The following GDF10 variants were observed in gnomAD, a reference collection of about 807,000 sequenced individuals.
GDF10 encodes growth differentiation factor 10.
A neutral mutation model predicts 32.1 loss-of-function variants in GDF10; 23 were observed. That is an observed-to-expected ratio of 0.72 (90% CI 0.52 to 1.02). The LOEUF (loss-of-function observed/expected upper bound fraction) is 1.02, where lower values mean the gene tolerates loss of function less well. GDF10 is among the 50% of genes least tolerant of loss of function. The pLI is 0.00. For missense variants in GDF10, 764 were observed against 673.9 expected, an observed-to-expected ratio of 1.13 and a Z score of -1.48; for synonymous variants, 328 against 303.1, an observed-to-expected ratio of 1.08 and a Z score of -0.85.
At chr10:47,311,735 C>A (rs909578890) in intron 2 of GDF10, among the ~76,000 whole-genome samples, 2 of 152,214 alleles carry the variant, frequency 1.3e-5, no homozygotes, top group Admixed American at 6.5e-5. Context: ...GTTGGCCATG[C>A]GGTTAGCTTA....
chr10:47,301,862 C>T (rs2061006053), intron 1 of GDF10, among the ~76,000 whole-genome samples: 1 of 152,214 alleles, frequency 6.6e-6, no homozygotes, highest in Non-Finnish European at 1.5e-5. Context: ...GAAAAATCTG[C>T]AGTCTACAGG....
At chr10:47,305,646 A>T (rs1301757630) in intron 1 of GDF10, among the ~76,000 whole-genome samples, 1 of 152,118 alleles carries the variant, frequency 6.6e-6, no homozygotes, top group Non-Finnish European at 1.5e-5. Flanking sequence ...ATCTTTTTAT[A>T]TAGGGCAGAG....
chr10:47,310,667 G>A lies in GDF10; in HGVS notation c.1191G>A (p.Pro397=). The change falls in exon 2 of 3, where the codon CCG becomes CCA. Residue 397 remains proline, a synonymous_variant. Transcript: ENST00000580279. ...GCTGGAATGAATGGATAATCTCACC[G>A]AAATCTTTTGATGCCTACTACTGCG... is the stretch of plus-strand genomic sequence containing the variant. The part of the protein sequence containing the change: ...DIGWNEWIIS[P]KSFDAYYCAG... The A allele has an allele frequency of 1.9e-6, 3 of 1,614,082 alleles. No homozygotes were observed. The highest frequency in any genetic ancestry group is 1.7e-6 in the Non-Finnish European group (2 of 1,179,912).
chr10:47,303,010 G>A (rs1177367636), intron 1 of GDF10, among the ~76,000 whole-genome samples: 1 of 152,202 alleles, frequency 6.6e-6, no homozygotes, highest in African/African-American at 2.4e-5. Context: ...GGCTAAGCAG[G>A]TTTTGTGCTT....
chr10:47,303,881 C>T, intron 1 of GDF10, among the ~76,000 whole-genome samples: 1 of 152,362 alleles, frequency 6.6e-6, no homozygotes. Flanking sequence ...ATTCCCTAAG[C>T]ACTTCGTTTG....
In GDF10 at chr10:47,300,520, C is replaced by T. The variant is rs1370332794; in HGVS notation, c.-132C>T. The T allele has an allele frequency of 6.4e-6, 5 of 780,638 alleles. No homozygotes were observed. The highest frequency in any genetic ancestry group is 6.5e-5 in the East Asian group (2 of 30,962). 48.4% of individuals were successfully genotyped at this position (780,638 alleles called of 1,614,324 possible). On this transcript the variant is annotated 5_prime_UTR_variant, in exon 1 of 3. Coordinates refer to ENST00000580279, the MANE Select transcript of GDF10 (RefSeq NM_004962.5). The stretch of plus-strand genomic sequence containing the variant: ...TAAGCCCCTCGCCCCGCGCGGACCT[C>T]GGTATCCAGCGCCCTGCTGCCCGGG...
At position 47,300,682 on chromosome 10, in the gene GDF10, G is replaced by C; in HGVS notation, c.31G>C (p.Gly11Arg). 1.2e-6 allele frequency: 2 copies of C among 1,603,784 alleles called. No homozygotes were observed. Among genetic ancestry groups the C allele is most frequent in the Non-Finnish European group, 1.7e-6 (2 of 1,176,898 alleles). Residue 11 changes from glycine to arginine, a missense_variant, in exon 1 of 3, where the codon GGA becomes CGA. Gly to Arg is a moderately radical substitution (Grantham distance 125). Transcript: ENST00000580279. MAHVPARTSP[G>R]PGPQLLLLLL... ...TCATGTCCCCGCTCGGACCAGCCCG[G>C]GACCCGGGCCCCAGCTGCTGCTGCT...
In GDF10 at chr10:47,310,372, A is replaced by G. The variant is rs1555207596; in HGVS notation, c.896A>G (p.Gln299Arg). 6.8e-6 allele frequency: 11 copies of G among 1,607,462 alleles called. No homozygotes were observed. The highest frequency in any genetic ancestry group is 1.7e-4 in the Middle Eastern group (1 of 6,016). ...RRAAQATGPL[Q>R]DNELPGLDER... ...GCCGCGCAGGCCACTGGGCCCCTCC[A>G]GGACAACGAGCTGCCGGGGCTGGAT... Residue 299 changes from glutamine to arginine, a missense_variant, in exon 2 of 3, where the codon CAG becomes CGG. By Grantham distance (43) the Gln-to-Arg change is conservative (BLOSUM62 1). Transcript: ENST00000580279.
Position 47,300,817 on chromosome 10 carries a change from C to G in GDF10, c.166C>G (p.Leu56Val). The G allele has an allele frequency of 1.9e-6, 3 of 1,571,812 alleles. No individual in the cohort carries two copies. Among genetic ancestry groups the G allele is most frequent in the Non-Finnish European group, 2.6e-6 (3 of 1,165,548 alleles). Residue 56 changes from leucine (L) to valine (V), a missense_variant, in exon 1 of 3, where the codon CTC (leucine) becomes GTC (valine). Coordinates refer to ENST00000580279, the MANE Select transcript of GDF10 (RefSeq NM_004962.5). Reference sequence around the variant, plus strand: ...CGACGGCCTGCAGGGGGACAGGGATCTCCAGCGGCACCCTGGGGACGCGGC... The same window carrying G: ...CGACGGCCTGCAGGGGGACAGGGATGTCCAGCGGCACCCTGGGGACGCGGC... ...AADGLQGDRD[L>V]QRHPGDAAAT...
chr10:47,309,624 C>T (rs1555207376), intron 1 of GDF10, among the ~76,000 whole-genome samples, 172 bp from the exon 2 acceptor site: 1 of 152,290 alleles, frequency 6.6e-6, no homozygotes, highest in East Asian at 1.9e-4. Flanking sequence ...TTGCAAAGGG[C>T]GCCCTCATCA....
intron 1 of GDF10, among the ~76,000 whole-genome samples, chr10:47,304,684 G>A (rs1414065001): frequency 2.6e-5 from 4 of 152,142 alleles, no homozygotes; most frequent in Admixed American, 2.6e-4. Context: ...GGATATATTT[G>A]AGAGATATAT....
intron 1 of GDF10, among the ~76,000 whole-genome samples, chr10:47,307,137 C>T (rs1267060393): frequency 6.6e-6 from 1 of 152,006 alleles, no homozygotes; most frequent in East Asian, 1.9e-4. Context: ...ACTTTGTTAT[C>T]TGTCTCCCCT....
intron 1 of GDF10, among the ~76,000 whole-genome samples, chr10:47,306,290 C>A (rs2061022798): frequency 6.6e-6 from 1 of 152,238 alleles, no homozygotes; most frequent in Non-Finnish European, 1.5e-5. Context: ...TGGCTAAACA[C>A]CTGGGTGCCC....
rs118169760 is a variant in GDF10 at position 47,306,164 on chromosome 10, C to T, written c.320-3632C>T. Among the ~76,000 whole-genome samples the T allele has an allele frequency of 2.4e-4, 36 of 152,320 alleles. No individual in the cohort carries two copies. In the East Asian group the frequency reaches 3.7e-3, roughly 16 times the overall value. ...TTCATGGTGAAAATGATGAATCAAG[C>T]ATGCAGAACACTCAGCATAGGACCA... On this transcript the variant is annotated intron_variant, in intron 1 of 2. Transcript: ENST00000580279.
In GDF10 at chr10:47,300,493, G is replaced by A. The variant is rs577473463; in HGVS notation, c.-159G>A. 15 of 622,598 alleles carry A rather than the reference G, an allele frequency of 2.4e-5. No homozygotes were observed. The highest frequency in any genetic ancestry group is 3.6e-5 in the Non-Finnish European group (14 of 386,228). The allele number at this position is 622,598 out of a possible 1,614,324, so 38.6% of individuals were successfully genotyped here. On this transcript the variant is annotated 5_prime_UTR_variant, in exon 1 of 3. Coordinates refer to ENST00000580279, the MANE Select transcript of GDF10 (RefSeq NM_004962.5). ...GACCGCGCGCCCGGGTGCCTGCTCC[G>A]CTAAGCCCCTCGCCCCGCGCGGACC...
rs552436070 is a variant in GDF10, at chr10:47,300,684, A to C, written c.33A>C (p.Gly11=). ...ATGTCCCCGCTCGGACCAGCCCGGG[A>C]CCCGGGCCCCAGCTGCTGCTGCTGC... MAHVPARTSP[G]PGPQLLLLLL... is the part of the protein sequence containing the mutation. Residue 11 remains glycine (G), a synonymous_variant, in exon 1 of 3, where the codon GGA becomes GGC. Transcript: ENST00000580279. 86 of 1,602,988 alleles carry C rather than the reference A, an allele frequency of 5.4e-5. No individual in the cohort carries two copies. Among genetic ancestry groups the C allele is most frequent in the South Asian group, 4.1e-4 (37 of 90,328 alleles).
At chr10:47,312,162 A>C (rs2061048813) in intron 2 of GDF10, among the ~76,000 whole-genome samples, 1 of 152,196 alleles carries the variant, frequency 6.6e-6, no homozygotes, top group South Asian at 2.1e-4. Flanking sequence ...CCTTCCCTTC[A>C]GTGACAAGAG....
chr10:47,301,375 C>T (rs775052002), intron 1 of GDF10, among the ~76,000 whole-genome samples: 2 of 152,228 alleles, frequency 1.3e-5, no homozygotes, highest in African/African-American at 4.8e-5. Context: ...AGGCACTGGG[C>T]CCTGTCAGGA....
In GDF10 at chr10:47,313,546, ATAAAT is replaced by A. The variant is rs1410193868; in HGVS notation, c.*759_*763del. On this transcript the variant is annotated 3_prime_UTR_variant, in exon 3 of 3. Coordinates refer to ENST00000580279, the MANE Select transcript of GDF10 (RefSeq NM_004962.5). ...TGTTATGTGTTTTTATGGAAAGCTAATAAATTAAAGGTACAGTGGTATCTTGAAAA... is the reference window on the plus strand; with the variant it reads ...TGTTATGTGTTTTTATGGAAAGCTAATAAAGGTACAGTGGTATCTTGAAAA... 1 of 152,676 alleles carries A rather than the reference ATAAAT, an allele frequency of 6.5e-6. No homozygotes were observed. The highest frequency in any genetic ancestry group is 1.5e-5 in the Non-Finnish European group (1 of 68,050). The allele number at this position is 152,676 out of a possible 1,614,324, so 9.5% of individuals were successfully genotyped here.
Sources: gnomAD v4.1 joint callset for allele counts (sites outside exome capture counted in the v4.1 genomes callset) on GRCh38, gnomAD v4.1.1 for gene constraint, MANE v1.5 for transcripts, NCBI Gene and HGNC (gene_info 2026-07-23, HGNC 2026-07-21) for gene names.